Variants in LARGE1 observed in about 807,000 individuals in gnomAD.
LARGE1 encodes the protein xylosyl- and glucuronyltransferase LARGE1.
In LARGE1, 43 loss-of-function variants were observed where a neutral mutation model predicts 87.6. The observed-to-expected ratio is 0.49, with a 90% CI of 0.38 to 0.63. The LOEUF is 0.63. LARGE1 is among the 30% of genes least tolerant of loss of function. The pLI is 0.00. For missense variants in LARGE1, 802 were observed against 1,000.2 expected (o/e 0.80, Z 2.67); for synonymous variants, 434 against 394.6 (o/e 1.10, Z -1.18).
rs376135210 is a variant in LARGE1, at chr22:33,553,151, A to G, written c.787+11697T>C. Among the ~76,000 whole-genome samples, 5 of 152,316 alleles carry G rather than the reference A, an allele frequency of 3.3e-5. No individual in the cohort carries two copies. The East Asian group carries it at 7.7e-4, about 24-fold the overall frequency. On this transcript the variant is annotated intron_variant, in intron 6 of 14. Coordinates refer to ENST00000397394, the MANE Select transcript of LARGE1 (RefSeq NM_133642.5). ...CCTTGTATTGTCTCCTCTGATATTA[A>G]GAACCTCTCCCATCCTGAACTGTTT...
chr22:33,128,680 C>CAAAAAAAAA, the LARGE1 span, among the ~76,000 whole-genome samples: 162 of 109,996 alleles, frequency 1.5e-3, no homozygotes, highest in East Asian at 4.0e-3. Flanking sequence ...GTCTCAAAAA[C>CAAAAAAAAA]AAAAAAAAAA....
At chr22:33,094,843 T>A in the LARGE1 span, among the ~76,000 whole-genome samples, 6 of 152,190 alleles carry the variant, frequency 3.9e-5, no homozygotes, top group Non-Finnish European at 8.8e-5. Flanking sequence ...CTCAGCCTCC[T>A]GAGTAGCTAG....
chr22:33,254,823 A>G (rs999901849), intron 11 of LARGE1, among the ~76,000 whole-genome samples: 2 of 152,100 alleles, frequency 1.3e-5, no homozygotes, highest in African/African-American at 4.8e-5. Flanking sequence ...AAGGTCCTTA[A>G]ACTATCTTGG....
chr22:33,843,234 G>A lies in LARGE1; in HGVS notation c.-83+76761C>T, dbSNP rs2063332352. 2.6e-5 allele frequency among the ~76,000 whole-genome samples: 4 copies of A among 152,070 alleles called. No individual in the cohort carries two copies. The South Asian group carries it at 8.3e-4, about 32-fold the overall frequency. ...TTCAGTATACTGCAGTGGGTCGGGA[G>A]TATGTCCCTTCCAGACTGGAAGGCA... On this transcript the variant is annotated intron_variant, in intron 1 of 14. Transcript: ENST00000397394.
chr22:33,549,008 G>C (rs2077445704), intron 6 of LARGE1, among the ~76,000 whole-genome samples: 1 of 152,174 alleles, frequency 6.6e-6, no homozygotes, highest in Non-Finnish European at 1.5e-5. Context: ...TTTTCTGATG[G>C]AGGTGGTTAT....
At chr22:33,658,009 G>C (rs947724579) in intron 2 of LARGE1, among the ~76,000 whole-genome samples, 1 of 152,004 alleles carries the variant, frequency 6.6e-6, no homozygotes, top group African/African-American at 2.4e-5. Context: ...GGCAGAGGGA[G>C]AGTCTTGAAC....
intron 6 of LARGE1, among the ~76,000 whole-genome samples, chr22:33,445,077 G>A (rs761436319): frequency 2.0e-5 from 3 of 152,100 alleles, no homozygotes; most frequent in Non-Finnish European, 4.4e-5. Context: ...TGATCCGCCC[G>A]CCACGGCCTC....
chr22:33,302,106 T>C (rs981631870), intron 12 of LARGE1, among the ~76,000 whole-genome samples: 34 of 152,134 alleles, frequency 2.2e-4, no homozygotes, highest in Non-Finnish European at 1.0e-4. Context: ...CTCACTCCCA[T>C]CATCTATCTG....
intron 4 of LARGE1, among the ~76,000 whole-genome samples, chr22:33,613,165 G>A (rs111598511): frequency 3.9e-5 from 6 of 152,136 alleles, no homozygotes; most frequent in Non-Finnish European, 5.9e-5. Context: ...AATCAAAGGC[G>A]GGCTAACTAT....
chr22:33,443,128 T>G (rs2067545652), intron 6 of LARGE1, among the ~76,000 whole-genome samples: 1 of 152,152 alleles, frequency 6.6e-6, no homozygotes, highest in South Asian at 2.1e-4. Flanking sequence ...AGAGATACAA[T>G]GACACCACGA....
intron 1 of LARGE1, among the ~76,000 whole-genome samples, chr22:33,919,102 G>GAAAAAAAAAAA (rs5845124): frequency 7.9e-6 from 1 of 127,378 alleles, no homozygotes; most frequent in African/African-American, 3.0e-5. Flanking sequence ...GCACAGAGAC[G>GAAAAAAAAAAA]AAAAAAAAAA....
chr22:33,229,672 C>T (rs1348019874), intron 11 of LARGE1, among the ~76,000 whole-genome samples: 1 of 151,640 alleles, frequency 6.6e-6, no homozygotes, highest in East Asian at 1.9e-4. Context: ...ACAGGATGTT[C>T]AGAAAAGGAA....
chr22:33,419,972 G>A (rs1047619929), intron 7 of LARGE1, among the ~76,000 whole-genome samples: 36 of 152,090 alleles, frequency 2.4e-4, no homozygotes, highest in African/African-American at 8.5e-4. Context: ...GAGATTATAG[G>A]CATGAGCCAC....
At chr22:33,637,902 A>G (rs1231797381) in intron 3 of LARGE1, among the ~76,000 whole-genome samples, 2 of 152,222 alleles carry the variant, frequency 1.3e-5, no homozygotes, top group Non-Finnish European at 2.9e-5. Context: ...GTACCTGGCT[A>G]TGTAGCAATA....
chr22:33,369,892 G>A (rs1421659284), intron 9 of LARGE1, among the ~76,000 whole-genome samples: 2 of 151,684 alleles, frequency 1.3e-5, no homozygotes, highest in Non-Finnish European at 2.9e-5. Context: ...TTTTCTGCTG[G>A]TGTTGAGATA....
chr22:33,667,145 G>A lies in LARGE1; in HGVS notation c.107-16477C>T, dbSNP rs767592719. On this transcript the variant is annotated intron_variant, in intron 2 of 14. Coordinates refer to ENST00000397394, the MANE Select transcript of LARGE1 (RefSeq NM_133642.5). ...CATGCACCCACGTGCACACACCCTC[G>A]CATATACACACACCTGGGTTGTTTT... Among the ~76,000 whole-genome samples the A allele has an allele frequency of 4.6e-5, 7 of 152,128 alleles. No homozygotes were observed. The East Asian group carries it at 9.6e-4, about 21-fold the overall frequency.
At chr22:33,449,248 T>C (rs945847428) in intron 6 of LARGE1, among the ~76,000 whole-genome samples, 2 of 152,192 alleles carry the variant, frequency 1.3e-5, no homozygotes, top group Admixed American at 6.5e-5. Context: ...TTTTAAAATG[T>C]GAGCTCATTT....
chr22:33,752,811 C>G (rs773060313), intron 2 of LARGE1, among the ~76,000 whole-genome samples: 3 of 152,226 alleles, frequency 2.0e-5, no homozygotes, highest in Non-Finnish European at 2.9e-5. Flanking sequence ...ACATCCTAAT[C>G]CCCATGGCCA....
chr22:33,337,169 GCT>G (rs1396801713), intron 10 of LARGE1, among the ~76,000 whole-genome samples: 1 of 152,084 alleles, frequency 6.6e-6, no homozygotes, highest in Non-Finnish European at 1.5e-5. Context: ...GTAGACTGTA[GCT>G]ATGGCGGTGA....
Sources: gnomAD v4.1 joint callset for allele counts (sites outside exome capture counted in the v4.1 genomes callset) on GRCh38, gnomAD v4.1.1 for gene constraint, MANE v1.5 for transcripts, NCBI Gene and HGNC (gene_info 2026-07-23, HGNC 2026-07-21) for gene names.